The following METTL22 variants were observed in gnomAD, a reference collection of about 807,000 sequenced individuals.
METTL22 encodes methyltransferase-like protein 22.
Under a neutral mutation model 48.4 loss-of-function variants are expected in METTL22, and 51 were observed. The observed-to-expected ratio is 1.05, with a 90% CI of 0.84 to 1.33. The LOEUF is 1.33. METTL22 is among the 40% of genes most tolerant of loss of function. The pLI is 0.00. For missense variants in METTL22, 678 were observed against 526.9 expected, an observed-to-expected ratio of 1.29 and a Z score of -2.81; for synonymous variants, 255 against 214.1, an observed-to-expected ratio of 1.19 and a Z score of -1.67.
downstream of METTL22, among the ~76,000 whole-genome samples, chr16:8,653,783 T>G (rs753748960): frequency 6.6e-6 from 1 of 152,074 alleles, no homozygotes; most frequent in East Asian, 1.9e-4. Flanking sequence ...CCCCATCATT[T>G]CCAAGGCTCA....
downstream of METTL22, chr16:8,649,774 AC>A (rs1354916896): frequency 1.3e-5 from 2 of 151,610 alleles, no homozygotes; most frequent in Admixed American, 6.6e-5. Flanking sequence ...ATTGCACTCT[AC>A]CCTGGGCAAC....
At chr16:8,651,621 G>A (rs970498089), downstream of METTL22, among the ~76,000 whole-genome samples, 1 of 152,016 alleles carries the variant, frequency 6.6e-6, no homozygotes, top group Non-Finnish European at 1.5e-5. Context: ...ATAAATAAAA[G>A]GGATCCTGTT....
chr16:8,659,841 A>G, the METTL22 span, among the ~76,000 whole-genome samples: 1 of 151,668 alleles, frequency 6.6e-6, no homozygotes, highest in African/African-American at 2.4e-5. Flanking sequence ...CTCCCACCTC[A>G]GCCCCACCAA....
At chr16:8,644,814 A>G (rs2056736685) in intron 10 of METTL22, 89 bp downstream of exon 10, 1 of 1,344,062 alleles carries the variant, frequency 7.4e-7, no homozygotes, top group Admixed American at 3.2e-5. Context: ...CAAGCCCTCC[A>G]AGCACAGGCT....
chr16:8,666,358 T>C, the METTL22 span, among the ~76,000 whole-genome samples: 2 of 152,216 alleles, frequency 1.3e-5, no homozygotes, highest in African/African-American at 4.8e-5. Context: ...ACCCACACCT[T>C]ATTATCGACC....
the METTL22 span, among the ~76,000 whole-genome samples, chr16:8,658,456 C>T: frequency 6.6e-6 from 1 of 152,224 alleles, no homozygotes; most frequent in Non-Finnish European, 1.5e-5. Flanking sequence ...CTACAAGCCA[C>T]TGCAAAGCTG....
intron 5 of METTL22, among the ~76,000 whole-genome samples, chr16:8,638,279 G>A (rs2056485342): frequency 6.6e-6 from 1 of 152,140 alleles, no homozygotes; most frequent in Non-Finnish European, 1.5e-5. Flanking sequence ...GTGACCCCTG[G>A]GGTGCAGATG....
rs2056772711 is a variant in METTL22 at position 8,645,939 on chromosome 16, G to C, written c.1180-169G>C. 2.4e-6 allele frequency: 3 copies of C among 1,260,690 alleles called. No individual in the cohort carries two copies. The South Asian group carries it at 5.0e-5, about 21-fold the overall frequency. The allele number at this position is 1,260,690 out of a possible 1,614,324, so 78.1% of individuals were successfully genotyped here. A position where few individuals can be genotyped will look rare whatever the true frequency, so the allele number is the denominator to read the frequency against. ...TGCCACAGTAAAATAGAACAGCCCA[G>C]AGCAACAAAGAAAGGAGGAAGCCGC... On this transcript the variant is annotated intron_variant, in intron 10 of 10. Transcript: ENST00000381920.
chr16:8,656,292 C>T, the METTL22 span, among the ~76,000 whole-genome samples: 1 of 152,200 alleles, frequency 6.6e-6, no homozygotes, highest in African/African-American at 2.4e-5. Flanking sequence ...ATCCTATTGA[C>T]ATGTATGTAG....
Position 8,644,711 on chromosome 16 carries a change from C to T in METTL22, c.1165C>T (p.Arg389Cys), listed in dbSNP as rs2056732242. ...CTTCCCACAGCTCCTGGTTTACGAGCGCCTCCAGCAACTGGTAGGTCCAGG... is the reference window on the plus strand; with the variant it reads ...CTTCCCACAGCTCCTGGTTTACGAGTGCCTCCAGCAACTGGTAGGTCCAGG... ...ASFPQLLVYERLQQLELWKII... is the reference protein window; with the variant it reads ...ASFPQLLVYECLQQLELWKII... Residue 389 changes from arginine to cysteine, a missense_variant, in exon 10 of 11, where the codon CGC becomes TGC. Transcript: ENST00000381920. 3 of 1,589,794 alleles carry T rather than the reference C, an allele frequency of 1.9e-6. No homozygotes were observed. The highest frequency in any genetic ancestry group is 2.6e-6 in the Non-Finnish European group (3 of 1,167,178).
chr16:8,635,248 C>A lies in METTL22; in HGVS notation c.636C>A (p.Leu212=), dbSNP rs368236119. ...DLFRGCTALE[L]GAGTGLASII... The stretch of plus-strand genomic sequence containing the variant: ...TCCGAGGATGTACAGCGCTGGAGCT[C>A]GGGGCCGGCACGGGGCTCGCTAGCA... The change falls in exon 5 of 11, where the codon CTC becomes CTA. Residue 212 remains leucine (L), a synonymous_variant. Coordinates refer to ENST00000381920, the MANE Select transcript of METTL22 (RefSeq NM_024109.4). The A allele has an allele frequency of 2.5e-6, 4 of 1,609,014 alleles. No individual in the cohort carries two copies. The African/African-American group carries it at 5.3e-5, about 22-fold the overall frequency.
chr16:8,641,000 A>C (rs2056597729), intron 6 of METTL22, 131 bp from the exon 7 acceptor site: 1 of 623,156 alleles, frequency 1.6e-6, no homozygotes, highest in Non-Finnish European at 2.7e-6. Flanking sequence ...ATGGAAGGGC[A>C]GGAAGGTGGA....
chr16:8,640,527 G>T lies in METTL22; in HGVS notation c.773-604G>T, dbSNP rs536598377. Among the ~76,000 whole-genome samples the T allele has an allele frequency of 0.012, 59 of 4,842 alleles. No homozygotes were observed. The East Asian group carries it at 0.16, about 13-fold the overall frequency. The allele number at this position is 4,842 out of a possible 152,430, so 3.2% of individuals were successfully genotyped here. A position where few individuals can be genotyped will look rare whatever the true frequency, so the allele number is the denominator to read the frequency against. On this transcript the variant is annotated intron_variant, in intron 6 of 10. Coordinates refer to ENST00000381920, the MANE Select transcript of METTL22 (RefSeq NM_024109.4). ...GGGAAGGGACAGAAAATGGATGATG[G>T]ATGAGGAGGGAAGGAGGATAATAAG...
chr16:8,644,943 G>C (rs529991115), intron 10 of METTL22: 11 of 463,496 alleles, frequency 2.4e-5, no homozygotes, highest in African/African-American at 2.2e-4. Flanking sequence ...GCCTACAGGC[G>C]AACCTTGTCT....
At chr16:8,631,127 G>A (rs1053707102) in intron 3 of METTL22, 2 of 152,152 alleles carry the variant, frequency 1.3e-5, no homozygotes, top group Non-Finnish European at 2.9e-5. Flanking sequence ...GACGTCATTC[G>A]CCTCACAACC....
At chr16:8,624,973 C>A in intron 1 of METTL22, among the ~76,000 whole-genome samples, 1 of 151,890 alleles carries the variant, frequency 6.6e-6, no homozygotes, top group Non-Finnish European at 1.5e-5. Flanking sequence ...GAGTAAAGGG[C>A]CATAACAACT....
At chr16:8,640,469 A>G (rs1308149044) in intron 6 of METTL22, among the ~76,000 whole-genome samples, 1 of 151,038 alleles carries the variant, frequency 6.6e-6, no homozygotes, top group Non-Finnish European at 1.5e-5. Flanking sequence ...CGTAGCACTC[A>G]AAAAATGCTG....
intron 3 of METTL22, among the ~76,000 whole-genome samples, chr16:8,630,763 GTC>G (rs1260003157): frequency 6.6e-6 from 1 of 152,190 alleles, no homozygotes; most frequent in Non-Finnish European, 1.5e-5. Flanking sequence ...AGGCCCCCTT[GTC>G]TGTATACCTG....
chr16:8,624,404 G>C (rs1009949697), intron 1 of METTL22, among the ~76,000 whole-genome samples: 1 of 145,102 alleles, frequency 6.9e-6, no homozygotes, highest in African/African-American at 2.6e-5. Flanking sequence ...ACAGGGTCTT[G>C]CTCTGCCACC....
Sources: gnomAD v4.1 joint callset for allele counts (sites outside exome capture counted in the v4.1 genomes callset) on GRCh38, gnomAD v4.1.1 for gene constraint, MANE v1.5 for transcripts, NCBI Gene and HGNC (gene_info 2026-07-23, HGNC 2026-07-21) for gene names.